The following SLC2A13 variants were observed in gnomAD, a reference collection of about 807,000 sequenced individuals.
The protein encoded by SLC2A13 is proton myo-inositol cotransporter.
In SLC2A13, 32 loss-of-function variants were observed where a neutral mutation model predicts 64.4. The ratio of observed to expected loss-of-function variants is 0.50; its 90% CI spans 0.37 to 0.67. The LOEUF (loss-of-function observed/expected upper bound fraction) is 0.67, where lower values mean the gene tolerates loss of function less well. SLC2A13 is among the 30% of genes least tolerant of loss of function. The probability of loss-of-function intolerance (pLI) is 0.00; values close to 1 mark genes in which losing one functional copy is unlikely to be tolerated. For missense variants in SLC2A13, 743 were observed against 829.2 expected, an observed-to-expected ratio of 0.90 and a Z score of 1.28; for synonymous variants, 338 against 327.1, an observed-to-expected ratio of 1.03 and a Z score of -0.36.
intron 1 of SLC2A13, among the ~76,000 whole-genome samples, chr12:40,073,536 T>G (rs925860846): frequency 6.6e-6 from 1 of 152,104 alleles, no homozygotes; most frequent in Non-Finnish European, 1.5e-5. Context: ...TAGATCTGAG[T>G]TTCTGACATA....
intron 1 of SLC2A13, among the ~76,000 whole-genome samples, chr12:40,100,556 C>T (rs1939109757): frequency 6.6e-6 from 1 of 152,140 alleles, no homozygotes; most frequent in Admixed American, 6.5e-5. Flanking sequence ...AATGAGCAAA[C>T]TCATATTCTT....
intron 7 of SLC2A13, among the ~76,000 whole-genome samples, chr12:39,781,873 T>A (rs1345116618): frequency 6.6e-6 from 1 of 152,224 alleles, no homozygotes. Context: ...ATTTAGGACA[T>A]TTGCCTGTAC....
intron 5 of SLC2A13, among the ~76,000 whole-genome samples, chr12:39,869,873 C>T (rs1432199920): frequency 6.6e-6 from 1 of 152,236 alleles, no homozygotes; most frequent in South Asian, 2.1e-4. Context: ...GAGCCCTTTA[C>T]TCTCTGTGTC....
intron 4 of SLC2A13, chr12:39,907,670 T>C (rs1195040642): frequency 2.6e-5 from 4 of 152,308 alleles, no homozygotes; most frequent in African/African-American, 9.6e-5. Context: ...GGAAATAGAA[T>C]GAGGTGCATC....
chr12:39,833,945 G>A (rs73101291), intron 6 of SLC2A13, among the ~76,000 whole-genome samples: 6,561 of 150,218 alleles, frequency 0.044, 439 homozygotes, highest in African/African-American at 0.15. Flanking sequence ...AAAGTAGGTC[G>A]TAAGACCCTC....
intron 2 of SLC2A13, among the ~76,000 whole-genome samples, chr12:40,043,369 C>T (rs1253909206): frequency 1.3e-5 from 2 of 152,058 alleles, no homozygotes; most frequent in Non-Finnish European, 2.9e-5. Context: ...GTGACTCACA[C>T]CTGTAATCCC....
At chr12:39,782,808 T>C (rs972090217) in intron 7 of SLC2A13, among the ~76,000 whole-genome samples, 16 of 152,096 alleles carry the variant, frequency 1.1e-4, no homozygotes. Context: ...CAGGCTGAGG[T>C]GGTCTCAGAG....
At chr12:39,990,534 C>G (rs904430030) in intron 3 of SLC2A13, among the ~76,000 whole-genome samples, 12 of 152,144 alleles carry the variant, frequency 7.9e-5, no homozygotes, top group African/African-American at 2.9e-4. Context: ...GATAGTATCT[C>G]AGCACACACC....
At chr12:39,800,924 T>G (rs369803908) in intron 7 of SLC2A13, among the ~76,000 whole-genome samples, 95 of 7,198 alleles carry the variant, frequency 0.013, 1 homozygote, top group African/African-American at 0.032. Flanking sequence ...CCATAAAAAA[T>G]GATGAGTTCA....
At position 40,028,489 on chromosome 12, in the gene SLC2A13, G is replaced by A; in HGVS notation, c.737C>T (p.Ala246Val). ...DGWRYMLGLA[A>V]VPAVIQFFGF... ...AAAAAACTGTATAACCGCCGGAACT[G>A]CTGCAAGTCCCAACATGTACCTGCA... Residue 246 changes from alanine to valine, a missense_variant, in exon 3 of 10, where the codon GCA becomes GTA. Physicochemically the swap from Ala to Val is moderately conservative, Grantham distance 64. Coordinates refer to ENST00000280871, the MANE Select transcript of SLC2A13 (RefSeq NM_052885.4). 6.2e-7 allele frequency: 1 copy of A among 1,613,880 alleles called. No homozygotes were observed. The highest frequency in any genetic ancestry group is 8.5e-7 in the Non-Finnish European group (1 of 1,179,900).
chr12:40,077,965 T>C (rs1350457426), intron 1 of SLC2A13, among the ~76,000 whole-genome samples: 2 of 152,198 alleles, frequency 1.3e-5, no homozygotes, highest in Non-Finnish European at 2.9e-5. Context: ...ACGTTATTGA[T>C]GTATAGAAAT....
chr12:39,784,256 C>T (rs533713295), intron 7 of SLC2A13, among the ~76,000 whole-genome samples: 79 of 152,252 alleles, frequency 5.2e-4, no homozygotes, highest in South Asian at 4.2e-3. Flanking sequence ...AAAAAGAGCC[C>T]GCATTGCCAA....
chr12:39,897,021 A>C (rs975073027), intron 4 of SLC2A13, among the ~76,000 whole-genome samples: 1 of 152,170 alleles, frequency 6.6e-6, no homozygotes, highest in Admixed American at 6.5e-5. Context: ...TGAGGAAGAG[A>C]CCAACAAGTT....
intron 7 of SLC2A13, among the ~76,000 whole-genome samples, chr12:39,810,578 T>G (rs577213639): frequency 6.4e-4 from 98 of 152,288 alleles, no homozygotes; most frequent in Non-Finnish European, 1.2e-3. Context: ...GAAAATAATA[T>G]TTTGCTATTA....
chr12:39,838,221 C>T (rs541814643), intron 6 of SLC2A13, among the ~76,000 whole-genome samples: 15 of 151,118 alleles, frequency 9.9e-5, no homozygotes, highest in Non-Finnish European at 2.2e-4. Flanking sequence ...AATCATCATT[C>T]TCAGTAAACT....
intron 7 of SLC2A13, among the ~76,000 whole-genome samples, chr12:39,781,983 T>C (rs992601863): frequency 1.2e-4 from 18 of 152,192 alleles, no homozygotes; most frequent in Non-Finnish European, 2.4e-4. Context: ...GTCTTGTGAA[T>C]ACAGGAACTG....
chr12:39,975,809 G>A (rs1196121310), intron 3 of SLC2A13, among the ~76,000 whole-genome samples: 1 of 152,112 alleles, frequency 6.6e-6, no homozygotes, highest in Non-Finnish European at 1.5e-5. Context: ...AATGGATGGA[G>A]CAACTCTAAG....
intron 6 of SLC2A13, among the ~76,000 whole-genome samples, chr12:39,848,176 G>C (rs1943370066): frequency 6.6e-6 from 1 of 152,074 alleles, no homozygotes; most frequent in African/African-American, 2.4e-5. Context: ...AAATTGACAA[G>C]TGGGATCTAA....
At chr12:39,772,320 G>A (rs1940611830) in intron 7 of SLC2A13, among the ~76,000 whole-genome samples, 1 of 152,058 alleles carries the variant, frequency 6.6e-6, no homozygotes, top group Non-Finnish European at 1.5e-5. Flanking sequence ...AGTCCATATA[G>A]GGTTGTTACA....
Sources: allele counts gnomAD v4.1 joint callset (sites outside exome capture counted in the v4.1 genomes callset), GRCh38; gene constraint gnomAD v4.1.1; transcripts MANE v1.5; gene names NCBI Gene and HGNC (gene_info 2026-07-23, HGNC 2026-07-21).